Variants in CPLX2 observed in about 807,000 individuals in gnomAD.
CPLX2 encodes complexin-2.
A neutral mutation model predicts 16.3 loss-of-function variants in CPLX2; 5 were observed. The ratio of observed to expected loss-of-function variants is 0.31; its 90% CI spans 0.16 to 0.64. The LOEUF is 0.64. Among genes scored for constraint, CPLX2 ranks in the 30% least tolerant of loss-of-function variants. CPLX2 has a pLI of 0.79. For missense variants in CPLX2, 144 were observed against 181.4 expected (o/e 0.79, Z 1.18); for synonymous variants, 89 against 73.2 (o/e 1.22, Z -1.10).
At chr5:175,816,328 C>T (rs1224508787) in intron 2 of CPLX2, among the ~76,000 whole-genome samples, 1 of 152,134 alleles carries the variant, frequency 6.6e-6, no homozygotes, top group Non-Finnish European at 1.5e-5. Context: ...TCACCATGCC[C>T]AGCTAATTTT....
rs574615288 is a variant in CPLX2, at chr5:175,803,915, C to T, written c.-168-5074C>T. Reference sequence around the variant, plus strand: ...CCATTGGCGCTGGCAGCCGTGTGGGCGCTGCAGTGCCTTGCGGGCAGCATC... The same window carrying T: ...CCATTGGCGCTGGCAGCCGTGTGGGTGCTGCAGTGCCTTGCGGGCAGCATC... On this transcript the variant is annotated intron_variant, in intron 1 of 4. Transcript: ENST00000359546. Among the ~76,000 whole-genome samples, 3 of 152,296 alleles carry T rather than the reference C, an allele frequency of 2.0e-5. No individual in the cohort carries two copies. In the East Asian group the frequency reaches 5.8e-4, roughly 29 times the overall value.
intron 2 of CPLX2, among the ~76,000 whole-genome samples, chr5:175,817,482 A>T (rs1373047922): frequency 2.0e-5 from 3 of 152,210 alleles, no homozygotes; most frequent in African/African-American, 7.2e-5. Context: ...AGAGGGACTG[A>T]GTCCAACCTC....
chr5:175,880,097 T>G lies in CPLX2; in HGVS notation c.*52T>G, dbSNP rs552361063. ...ACCTGTTACTACTTCTTTTTGGTTC[T>G]TTCTTTTCTTTTTATTAGGTTAAGT... On this transcript the variant is annotated 3_prime_UTR_variant, in exon 4 of 4. Transcript: ENST00000393745. The G allele has an allele frequency of 1.3e-6, 2 of 1,548,836 alleles. No individual in the cohort carries two copies. Among genetic ancestry groups the G allele is most frequent in the African/African-American group, 2.7e-5 (2 of 73,342 alleles).
At chr5:175,875,890 T>C (rs868833741) in intron 1 of CPLX2, among the ~76,000 whole-genome samples, 2 of 152,030 alleles carry the variant, frequency 1.3e-5, no homozygotes, top group South Asian at 2.1e-4. Context: ...GATGTAAGCA[T>C]TGAGAAGACT....
intron 2 of CPLX2, among the ~76,000 whole-genome samples, chr5:175,859,595 C>T (rs1316054283): frequency 6.6e-6 from 1 of 152,162 alleles, no homozygotes; most frequent in Non-Finnish European, 1.5e-5. Context: ...CCAAGAATGC[C>T]GACGCCACTC....
In CPLX2 at chr5:175,830,112, C is replaced by T. The variant is rs752917585; in HGVS notation, c.-89+21044C>T. Among the ~76,000 whole-genome samples the T allele has an allele frequency of 9.9e-5, 15 of 152,202 alleles. No individual in the cohort carries two copies. The highest frequency in any genetic ancestry group is 2.1e-4 in the Non-Finnish European group (14 of 68,042). ...TTCTGAAAACAGAACTGTGTGGTGC[C>T]AGGTGATCCAGAAGAGAAGCAGTGA... On this transcript the variant is annotated intron_variant, in intron 2 of 4. Transcript: ENST00000359546. The surrounding 1 kb of genome is among the most constrained non-coding windows in gnomAD (Gnocchi z 4.0).
At chr5:175,873,825 A>G (rs1759693860) in intron 1 of CPLX2, among the ~76,000 whole-genome samples, 1 of 152,246 alleles carries the variant, frequency 6.6e-6, no homozygotes, top group Non-Finnish European at 1.5e-5. Context: ...CATTTCATAG[A>G]TGAGAAAACA....
intron 3 of CPLX2, among the ~76,000 whole-genome samples, chr5:175,879,513 G>A (rs905110065): frequency 2.0e-5 from 3 of 152,256 alleles, no homozygotes; most frequent in Non-Finnish European, 4.4e-5. Context: ...AAGGCTAGAA[G>A]TAGTCTTCCA....
upstream of CPLX2, among the ~76,000 whole-genome samples, chr5:175,868,096 T>G (rs1759511861): frequency 6.6e-6 from 1 of 152,154 alleles, no homozygotes; most frequent in South Asian, 2.1e-4. Flanking sequence ...AGCATTTGAA[T>G]GTCTCCCTGC....
chr5:175,824,325 A>C (rs1758567762), intron 2 of CPLX2, among the ~76,000 whole-genome samples: 1 of 152,224 alleles, frequency 6.6e-6, no homozygotes, highest in Non-Finnish European at 1.5e-5. Context: ...ATGTCATTCC[A>C]ACCCAAAGCT....
intron 2 of CPLX2, among the ~76,000 whole-genome samples, chr5:175,824,026 C>G (rs1758561389): frequency 6.6e-6 from 1 of 152,140 alleles, no homozygotes. Flanking sequence ...GGGACCGATC[C>G]TCCTGTCCCC....
At chr5:175,817,733 G>C (rs191058693) in intron 2 of CPLX2, among the ~76,000 whole-genome samples, 1 of 152,162 alleles carries the variant, frequency 6.6e-6, no homozygotes, top group Non-Finnish European at 1.5e-5. Context: ...GGAGTTGTGC[G>C]GGGGAACTGA....
chr5:175,814,385 T>A (rs1758367709), intron 2 of CPLX2, among the ~76,000 whole-genome samples: 1 of 152,176 alleles, frequency 6.6e-6, no homozygotes, highest in Non-Finnish European at 1.5e-5. Flanking sequence ...AGAGGGTGGA[T>A]CTGAAACAGA....
chr5:175,869,759 C>T (rs1170350217), upstream of CPLX2, among the ~76,000 whole-genome samples: 4 of 152,160 alleles, frequency 2.6e-5, no homozygotes, highest in African/African-American at 7.2e-5. Context: ...AAACTAGCCC[C>T]TTCTCGAGCT....
chr5:175,801,078 G>A (rs1161388724), intron 1 of CPLX2, among the ~76,000 whole-genome samples: 1 of 150,718 alleles, frequency 6.6e-6, no homozygotes, highest in Non-Finnish European at 1.5e-5. Context: ...GATCATGCAG[G>A]CCCTTCTAGG....
At chr5:175,808,769 T>A (rs1313239007) in intron 1 of CPLX2, among the ~76,000 whole-genome samples, 1 of 152,142 alleles carries the variant, frequency 6.6e-6, no homozygotes, top group African/African-American at 2.4e-5. Flanking sequence ...ACAAGATGAG[T>A]AACTACTATC....
chr5:175,835,228 A>C lies in CPLX2; in HGVS notation c.-89+26160A>C, dbSNP rs191263537. On this transcript the variant is annotated intron_variant, in intron 2 of 4. Coordinates refer to the CPLX2 transcript ENST00000359546. ...ACAGTTACCGGAGCCTGGAGCAGCT[A>C]AAACAAGAAAAAGGTTGGAAAACAC... Among the ~76,000 whole-genome samples the C allele has an allele frequency of 2.1e-3, 325 of 152,382 alleles. 2 individuals carry two copies. The highest frequency in any genetic ancestry group is 2.8e-3 in the Non-Finnish European group (190 of 68,042).
chr5:175,854,443 C>T (rs1036858343), intron 2 of CPLX2, among the ~76,000 whole-genome samples: 1 of 152,282 alleles, frequency 6.6e-6, no homozygotes, highest in Non-Finnish European at 1.5e-5. Context: ...GTCCACGCAA[C>T]CTTTCTGAGC....
chr5:175,822,728 A>T lies in CPLX2; in HGVS notation c.-89+13660A>T, dbSNP rs868751615. 2.6e-5 allele frequency among the ~76,000 whole-genome samples: 4 copies of T among 152,352 alleles called. No individual in the cohort carries two copies. In the Middle Eastern group the frequency reaches 0.01, roughly 389 times the overall value. ...TCCTATCAGCTGAGCAACTCCAGTG[A>T]AAATCGGGCACCCATTCCAGTGGTG... On this transcript the variant is annotated intron_variant, in intron 2 of 4. Coordinates refer to the CPLX2 transcript ENST00000359546.
Sources: allele counts gnomAD v4.1 joint callset (sites outside exome capture counted in the v4.1 genomes callset), GRCh38; gene constraint gnomAD v4.1.1; non-coding constraint Gnocchi (gnomAD v3.1); transcripts MANE v1.5; gene names NCBI Gene and HGNC (gene_info 2026-07-23, HGNC 2026-07-21).